GSE1: variants seen among roughly 807,000 people sequenced by gnomAD.
GSE1 encodes Gse1 coiled-coil protein.
In GSE1, 32 loss-of-function variants were observed where a neutral mutation model predicts 112.6. The ratio of observed to expected loss-of-function variants is 0.28; its 90% CI spans 0.21 to 0.38. The LOEUF is 0.38. GSE1 is among the 10% of genes least tolerant of loss of function. The pLI is 1.00. For synonymous variants in GSE1, 1,115 were observed against 735.6 expected, an observed-to-expected ratio of 1.52 and a Z score of -8.35; for missense variants, 2,348 against 1,699.2, an observed-to-expected ratio of 1.38 and a Z score of -6.71.
chr16:85,579,230 C>T (rs1598261846), intron 1 of GSE1, among the ~76,000 whole-genome samples: 1 of 152,024 alleles, frequency 6.6e-6, no homozygotes. Flanking sequence ...CTGGGTGGGG[C>T]TTGGGGTATC....
chr16:85,260,764 ACT>A (rs2144102956), intron 1 of GSE1, among the ~76,000 whole-genome samples: 1 of 151,664 alleles, frequency 6.6e-6, no homozygotes, highest in African/African-American at 2.4e-5. Flanking sequence ...CCCACCATCT[ACT>A]CTCTGCTTCC....
chr16:85,473,251 C>G (rs2151850126), intron 2 of GSE1, among the ~76,000 whole-genome samples: 1 of 152,320 alleles, frequency 6.6e-6, no homozygotes, highest in South Asian at 2.1e-4. Flanking sequence ...GAGCTTGTTT[C>G]AGGCAATAAA....
intron 2 of GSE1, among the ~76,000 whole-genome samples, chr16:85,539,400 T>C (rs2044443096): frequency 6.6e-6 from 1 of 152,220 alleles, no homozygotes; most frequent in South Asian, 2.1e-4. Flanking sequence ...ACACCTGCAA[T>C]TGAGTGCTTT....
chr16:85,480,007 A>G (rs1429183066), intron 2 of GSE1, among the ~76,000 whole-genome samples: 3 of 152,240 alleles, frequency 2.0e-5, no homozygotes, highest in Non-Finnish European at 2.9e-5. Flanking sequence ...CACAGCGGCC[A>G]TGATGCACGA....
chr16:85,613,167 C>T (rs2048107322), upstream of GSE1: 1 of 1,379,490 alleles, frequency 7.2e-7, no homozygotes, highest in Non-Finnish European at 9.4e-7. Flanking sequence ...GTCAGGGAGC[C>T]GGGAGCGAGC....
At chr16:85,452,189 C>A (rs1440480597) in intron 2 of GSE1, among the ~76,000 whole-genome samples, 1 of 152,220 alleles carries the variant, frequency 6.6e-6, no homozygotes, top group Non-Finnish European at 1.5e-5. Flanking sequence ...CGGGGCCCCG[C>A]AATTAAGCCG....
intron 2 of GSE1, among the ~76,000 whole-genome samples, chr16:85,413,567 C>T (rs534448891): frequency 6.6e-5 from 10 of 152,224 alleles, no homozygotes; most frequent in Admixed American, 3.9e-4. Flanking sequence ...AGTAAAGTCA[C>T]GTTAAGCACA....
chr16:85,378,203 G>A (rs2047465863), intron 2 of GSE1, among the ~76,000 whole-genome samples: 2 of 152,192 alleles, frequency 1.3e-5, no homozygotes, highest in South Asian at 2.1e-4. Flanking sequence ...TCCGTGGCAG[G>A]CTCTAGAAAG....
At chr16:85,193,385 C>G (rs1005456510) in intron 1 of GSE1, among the ~76,000 whole-genome samples, 15 of 152,150 alleles carry the variant, frequency 9.9e-5, no homozygotes, top group African/African-American at 3.6e-4. Context: ...CTCAGTCACC[C>G]AAGTTGGAGT....
intron 2 of GSE1, among the ~76,000 whole-genome samples, chr16:85,476,152 G>A (rs982247600): frequency 3.3e-4 from 50 of 152,312 alleles, no homozygotes; most frequent in African/African-American, 9.4e-4. Flanking sequence ...GGCTGGCCTC[G>A]AACTGCTGAG....
chr16:85,380,996 G>T (rs1158039632), intron 2 of GSE1, among the ~76,000 whole-genome samples: 1 of 152,304 alleles, frequency 6.6e-6, no homozygotes, highest in Non-Finnish European at 1.5e-5. Flanking sequence ...AAACAATTCA[G>T]TGGCATTTAG....
chr16:85,272,782 T>C (rs1361266923), intron 1 of GSE1, among the ~76,000 whole-genome samples: 12 of 150,086 alleles, frequency 8.0e-5, no homozygotes, highest in Admixed American at 1.3e-4. Context: ...CTTTTCTTTT[T>C]TTTTTTTTTT....
At chr16:85,236,411 C>T (rs1004624170) in intron 1 of GSE1, among the ~76,000 whole-genome samples, 1 of 152,212 alleles carries the variant, frequency 6.6e-6, no homozygotes, top group South Asian at 2.1e-4. Flanking sequence ...GGCCTCTGGC[C>T]CAGTGGGCTA....
At chr16:85,515,255 T>A (rs987060309) in intron 2 of GSE1, among the ~76,000 whole-genome samples, 3 of 152,180 alleles carry the variant, frequency 2.0e-5, no homozygotes, top group Non-Finnish European at 4.4e-5. Context: ...ATCCCCGTCC[T>A]CAGGGTCCTG....
At chr16:85,486,950 G>A (rs955568457) in intron 2 of GSE1, among the ~76,000 whole-genome samples, 4 of 152,118 alleles carry the variant, frequency 2.6e-5, no homozygotes, top group African/African-American at 9.7e-5. Flanking sequence ...TGGTCATTTT[G>A]TGCCTAGCCC....
chr16:85,372,711 A>G (rs964161987), intron 2 of GSE1, among the ~76,000 whole-genome samples: 17 of 152,120 alleles, frequency 1.1e-4, no homozygotes, highest in African/African-American at 4.1e-4. Flanking sequence ...CAGTTCCTCC[A>G]TGCACCTCAT....
At chr16:85,502,398 C>T (rs1161454805) in intron 2 of GSE1, among the ~76,000 whole-genome samples, 1 of 152,164 alleles carries the variant, frequency 6.6e-6, no homozygotes, top group Non-Finnish European at 1.5e-5. Context: ...AAGGACAGCT[C>T]CCAGGAGGGA....
At chr16:85,529,336 G>A (rs2052471403) in intron 2 of GSE1, among the ~76,000 whole-genome samples, 1 of 152,226 alleles carries the variant, frequency 6.6e-6, no homozygotes, top group Non-Finnish European at 1.5e-5. Context: ...GCAGCTGGTG[G>A]AAGGCCTCAG....
At chr16:85,453,019 G>T (rs562930522) in intron 2 of GSE1, among the ~76,000 whole-genome samples, 1 of 152,188 alleles carries the variant, frequency 6.6e-6, no homozygotes, top group Non-Finnish European at 1.5e-5. Flanking sequence ...TTCTGTCCCC[G>T]ACGCTGCCGG....
Sources: allele counts gnomAD v4.1 joint callset (sites outside exome capture counted in the v4.1 genomes callset), GRCh38; gene constraint gnomAD v4.1.1; transcripts MANE v1.5; gene names NCBI Gene and HGNC (gene_info 2026-07-23, HGNC 2026-07-21).